ZNF395: variants seen among roughly 807,000 people sequenced by gnomAD.
The protein encoded by ZNF395 is HD gene regulatory region-binding protein 2.
ZNF395 carries 20 observed loss-of-function variants against 57.7 expected under a neutral mutation model. That is an observed-to-expected ratio of 0.35 (90% confidence interval 0.24 to 0.50). The LOEUF (loss-of-function observed/expected upper bound fraction) is 0.50. ZNF395 is among the 20% of genes least tolerant of loss of function. The probability of loss-of-function intolerance (pLI) is 0.97; values close to 1 mark genes in which losing one functional copy is unlikely to be tolerated. For missense variants in ZNF395, 606 were observed against 671.2 expected, an observed-to-expected ratio of 0.90 and a Z score of 1.07; for synonymous variants, 295 against 275.9, an observed-to-expected ratio of 1.07 and a Z score of -0.69.
In ZNF395 at chr8:28,353,248, A is replaced by G; in HGVS notation, c.744T>C (p.Ser248=). 1 of 1,545,142 alleles carries G rather than the reference A, an allele frequency of 6.5e-7. No homozygotes were observed. The highest frequency in any genetic ancestry group is 8.8e-7 in the Non-Finnish European group (1 of 1,138,902). ...TCTCAAAGCCATGATCAGTTTGGGG[A>G]GAACCAAAAGCATCCCCCAAATACT... is the stretch of plus-strand genomic sequence containing the variant. ...SPKYLGDAFG[S]PQTDHGFETD... is the part of the protein sequence containing the mutation. The change falls in exon 5 of 10, where the codon TCT becomes TCC. Residue 248 remains serine (S), a synonymous_variant. Transcript: ENST00000344423.
Position 28,359,622 on chromosome 8 carries a change from G to C in ZNF395, c.443C>G (p.Pro148Arg), listed in dbSNP as rs1434896010. The change falls in exon 3 of 10, where the codon CCC (proline) becomes CGC (arginine). Residue 148 changes from proline (P) to arginine (R), a missense_variant. Pro to Arg is a moderately radical substitution (Grantham distance 103). Around this residue, in one of 3 missense-constraint regions of ZNF395, gnomAD observed 309 missense variants for 374.7 expected, o/e 0.82. Transcript: ENST00000344423. This position sits in a 1 kb window ranked among gnomAD's most constrained non-coding sequence, Gnocchi z 4.7. The stretch of plus-strand genomic sequence containing the variant: ...TGGGACATCGATGTTCCTGGAGACG[G>C]GCCTGTAGGCCAGGGCCTGGGCTCC... ...EPGAQALAYRPVSRNIDVPKR... is the reference protein window; with the variant it reads ...EPGAQALAYRRVSRNIDVPKR... 1 of 1,609,084 alleles carries C rather than the reference G, an allele frequency of 6.2e-7. No individual in the cohort carries two copies. The highest frequency in any genetic ancestry group is 8.5e-7 in the Non-Finnish European group (1 of 1,176,740).
At chr8:28,361,814 G>A (rs1007137902) in intron 1 of ZNF395, among the ~76,000 whole-genome samples, 3 of 152,164 alleles carry the variant, frequency 2.0e-5, no homozygotes, top group Non-Finnish European at 4.4e-5. Context: ...GAGCTTGGCC[G>A]GGCGTGGTGG....
intron 1 of ZNF395, among the ~76,000 whole-genome samples, 159 bp from the exon 2 acceptor site, chr8:28,361,341 T>C (rs1801847207): frequency 1.3e-5 from 2 of 152,134 alleles, no homozygotes; most frequent in Admixed American, 1.3e-4. Context: ...AGCAAACCAC[T>C]GAGGAATCTG....
intron 1 of ZNF395, among the ~76,000 whole-genome samples, chr8:28,373,688 G>T (rs1802003439): frequency 6.6e-6 from 1 of 152,120 alleles, no homozygotes; most frequent in South Asian, 2.1e-4. Flanking sequence ...TCAGGGGTTG[G>T]GGGGCGGGAA....
At chr8:28,379,624 T>C (rs1357427936) in intron 1 of ZNF395, among the ~76,000 whole-genome samples, 1 of 152,158 alleles carries the variant, frequency 6.6e-6, no homozygotes, top group Non-Finnish European at 1.5e-5. Flanking sequence ...CCCTCCTCAG[T>C]GGACCTGTGC....
intron 1 of ZNF395, among the ~76,000 whole-genome samples, chr8:28,374,480 T>TA (rs1802016616): frequency 2.6e-5 from 4 of 152,126 alleles, no homozygotes; most frequent in Non-Finnish European, 5.9e-5. Flanking sequence ...AATTTTTTTT[T>TA]TAAAAAGAAA....
intron 1 of ZNF395, among the ~76,000 whole-genome samples, chr8:28,372,820 G>A (rs889626766): frequency 6.6e-6 from 1 of 152,110 alleles, no homozygotes; most frequent in Non-Finnish European, 1.5e-5. Flanking sequence ...TGACTTATGA[G>A]GCCAGAGGAC....
chr8:28,351,799 A>C lies in ZNF395; in HGVS notation c.929T>G (p.Val310Gly). Residue 310 changes from valine to glycine, a missense_variant, in exon 7 of 10, where the codon GTG becomes GGG. This residue lies in a region of ZNF395 where 261 missense variants were observed against 240.3 expected (regional missense o/e 1.09). Coordinates refer to ENST00000344423, the MANE Select transcript of ZNF395 (RefSeq NM_018660.3). ...HVKALHLGDTVDSDQFKREED... is the reference protein window; with the variant it reads ...HVKALHLGDTGDSDQFKREED... ...CTCCCGCTTGAACTGATCAGAGTCC[A>C]CTGTGTCCCTGTGTGGGAGGGAGAT... 2 of 1,549,768 alleles carry C rather than the reference A, an allele frequency of 1.3e-6. No homozygotes were observed. Among genetic ancestry groups the C allele is most frequent in the Non-Finnish European group, 1.7e-6 (2 of 1,149,842 alleles).
At chr8:28,372,882 C>T (rs1801994187) in intron 1 of ZNF395, among the ~76,000 whole-genome samples, 1 of 152,194 alleles carries the variant, frequency 6.6e-6, no homozygotes, top group Non-Finnish European at 1.5e-5. Context: ...GAAGGCAGCG[C>T]TCTTCAGGAC....
At chr8:28,350,493 G>C (rs1468352295) in intron 7 of ZNF395, among the ~76,000 whole-genome samples, 1 of 152,164 alleles carries the variant, frequency 6.6e-6, no homozygotes, top group African/African-American at 2.4e-5. Flanking sequence ...GCCAAAAGAG[G>C]CCCCAAGCCT....
intron 3 of ZNF395, among the ~76,000 whole-genome samples, chr8:28,357,856 G>A (rs896145778): frequency 1.3e-5 from 2 of 152,102 alleles, no homozygotes; most frequent in Non-Finnish European, 2.9e-5. Context: ...TGCACATCTT[G>A]TATATAAGAC....
chr8:28,364,750 C>A (rs1233507720), intron 1 of ZNF395, among the ~76,000 whole-genome samples: 1 of 151,826 alleles, frequency 6.6e-6, no homozygotes, highest in African/African-American at 2.4e-5. Flanking sequence ...GGGAGACAGG[C>A]GGAGATTCCA....
At chr8:28,360,621 G>C (rs1389781151) in intron 2 of ZNF395, among the ~76,000 whole-genome samples, 1 of 152,228 alleles carries the variant, frequency 6.6e-6, no homozygotes, top group Non-Finnish European at 1.5e-5. Flanking sequence ...TTCAAACTGA[G>C]GTTTTGAGCA....
Position 28,359,455 on chromosome 8 carries a change from T to G in ZNF395, c.473+137A>C. 3 of 1,241,470 alleles carry G rather than the reference T, an allele frequency of 2.4e-6. No homozygotes were observed. The Admixed American group carries it at 8.0e-5, about 33-fold the overall frequency. The allele number at this position is 1,241,470 out of a possible 1,614,324, so 76.9% of individuals were successfully genotyped here. On this transcript the variant is annotated intron_variant, in intron 3 of 9. Transcript: ENST00000344423. This position sits in a 1 kb window ranked among gnomAD's most constrained non-coding sequence, Gnocchi z 4.7. Reference sequence around the variant, plus strand: ...GTTTTCTTAAAAGATTCCCCTTTTCTGTGTCCCATTTGTCCCAATATCTTG... The same window carrying G: ...GTTTTCTTAAAAGATTCCCCTTTTCGGTGTCCCATTTGTCCCAATATCTTG...
In ZNF395 at chr8:28,348,259, C is replaced by CAT. The variant is rs1801632440; in HGVS notation, c.*459_*460insAT. The stretch of plus-strand genomic sequence containing the variant: ...CTGAGTCACCCATCAGCCAGAAACT[C>CAT]TTTTTTTTTTTTTTTTTTTTTTTTT... On this transcript the variant is annotated 3_prime_UTR_variant, in exon 10 of 10. Transcript: ENST00000344423. 1 of 90,466 alleles carries CAT rather than the reference C, an allele frequency of 1.1e-5. No individual in the cohort carries two copies. The highest frequency in any genetic ancestry group is 4.2e-5 in the African/African-American group (1 of 23,608). 5.6% of individuals were successfully genotyped at this position (90,466 alleles called of 1,614,324 possible).
At chr8:28,377,915 G>A (rs967449846) in intron 1 of ZNF395, among the ~76,000 whole-genome samples, 5 of 151,610 alleles carry the variant, frequency 3.3e-5, no homozygotes, top group Admixed American at 3.3e-4. Context: ...GCAACACTAC[G>A]CCCAGCTAAT....
chr8:28,350,230 C>T, intron 7 of ZNF395, 74 bp from the exon 8 acceptor site: 1 of 1,254,854 alleles, frequency 8.0e-7, no homozygotes, highest in Non-Finnish European at 1.1e-6. Context: ...TCCCCACAGC[C>T]TCATGACAGC....
Position 28,351,525 on chromosome 8 carries a change from G to C in ZNF395, c.1203C>G (p.Phe401Leu), listed in dbSNP as rs572352062. 4 of 1,611,588 alleles carry C rather than the reference G, an allele frequency of 2.5e-6. No individual in the cohort carries two copies. In the Admixed American group the frequency reaches 5.0e-5, roughly 20 times the overall value. ...GALSKSAPGS[F>L]WHIQADHAYQ... ...ATGCATGATCTGCCTGAATGTGCCA[G>C]AAGGACCCAGGAGCTGACTTGCTGA... is the stretch of plus-strand genomic sequence containing the variant. The change falls in exon 7 of 10, where the codon TTC becomes TTG. Residue 401 changes from phenylalanine (F) to leucine (L), a missense_variant. By Grantham distance (22) the Phe-to-Leu change is conservative (BLOSUM62 0). This residue lies in a region of ZNF395 where 261 missense variants were observed against 240.3 expected (regional missense o/e 1.09). Transcript: ENST00000344423.
intron 1 of ZNF395, among the ~76,000 whole-genome samples, chr8:28,376,501 T>A (rs1184988182): frequency 6.6e-6 from 1 of 151,898 alleles, no homozygotes; most frequent in Admixed American, 6.6e-5. Context: ...GAGCCTATAA[T>A]CCCAGCTACT....
Sources: allele counts gnomAD v4.1 joint callset (sites outside exome capture counted in the v4.1 genomes callset), GRCh38; gene constraint gnomAD v4.1.1; regional missense constraint gnomAD v4.1.1; non-coding constraint Gnocchi (gnomAD v3.1); transcripts MANE v1.5; gene names NCBI Gene and HGNC (gene_info 2026-07-23, HGNC 2026-07-21).